PNKP: variants seen among roughly 807,000 people sequenced by gnomAD.
PNKP encodes the protein polynucleotide kinase 3'-phosphatase.
Under a neutral mutation model 66.2 loss-of-function variants are expected in PNKP, and 82 were observed. The ratio of observed to expected loss-of-function variants is 1.24; its 90% CI spans 1.04 to 1.49. The LOEUF is 1.49. PNKP is among the 40% of genes most tolerant of loss of function. The pLI, the probability that PNKP is intolerant of heterozygous loss-of-function variation, is 0.00. For missense variants in PNKP, 907 were observed against 706.8 expected, an observed-to-expected ratio of 1.28 and a Z score of -3.21; for synonymous variants, 412 against 298.9, an observed-to-expected ratio of 1.38 and a Z score of -3.90.
At chr19:49,866,317 A>C (rs1481875268) in intron 3 of PNKP, 82 bp downstream of exon 3, 5 of 1,293,006 alleles carry the variant, frequency 3.9e-6, no homozygotes, top group Non-Finnish European at 5.6e-6. Context: ...GATTTTCCTA[A>C]TGTACCCCTT....
rs199652836 is a variant in PNKP at position 49,861,851 on chromosome 19, T to G, written c.1219A>C (p.Thr407Pro). Residue 407 changes from threonine to proline, a missense_variant, in exon 14 of 17, where the codon ACC becomes CCC. Physicochemically the swap from Thr to Pro is conservative, Grantham distance 38. Coordinates refer to ENST00000322344, the MANE Select transcript of PNKP (RefSeq NM_007254.4). Reference protein sequence around the residue: ...DTLGSWQRCVTTCETALKQGK... With the variant: ...DTLGSWQRCVPTCETALKQGK... ...TGCTTCAGGGCTGTCTCACACGTGG[T>G]CACACAGCGCTGCCAGGAGCCTAGC... The G allele has an allele frequency of 1.1e-5, 17 of 1,594,162 alleles. No homozygotes were observed. The East Asian group carries it at 3.9e-4, about 36-fold the overall frequency.
intron 2 of PNKP, 46 bp downstream of exon 2, chr19:49,867,008 C>T: frequency 6.3e-7 from 1 of 1,598,058 alleles, no homozygotes; most frequent in Non-Finnish European, 8.6e-7. Flanking sequence ...GGATTGTTCC[C>T]GCTTTTGCAG....
Position 49,861,992 on chromosome 19 carries a change from G to C in PNKP, c.1188+52C>G. 5.6e-6 allele frequency: 9 copies of C among 1,604,358 alleles called. No individual in the cohort carries two copies. In the South Asian group the frequency reaches 9.9e-5, roughly 18 times the overall value. On this transcript the variant is annotated intron_variant, in intron 13 of 16. Coordinates refer to ENST00000322344, the MANE Select transcript of PNKP (RefSeq NM_007254.4). ...AAAGCCGCCCCAAACCAGTTGAGAG[G>C]TGGAGATGGGAACTTTATAATAGAT...
Position 49,862,745 on chromosome 19 carries a change from G to A in PNKP, c.817-7C>T. On this transcript the variant is annotated splice_polypyrimidine_tract_variant and splice_region_variant and intron_variant, in intron 8 of 16. Coordinates refer to ENST00000322344, the MANE Select transcript of PNKP (RefSeq NM_007254.4). ...TGGGCGTGCCGTCGTTGGCCTACGG[G>A]AGACGGTAGTGAGGAGGCCCTTCCC... is the stretch of plus-strand genomic sequence containing the variant. 1 of 1,614,082 alleles carries A rather than the reference G, an allele frequency of 6.2e-7. No homozygotes were observed. The highest frequency in any genetic ancestry group is 2.2e-5 in the East Asian group (1 of 44,870).
rs2074802686 is a variant in PNKP at position 49,864,348 on chromosome 19, AAGACCTTCCC to A, written c.544_553del (p.Gly182PhefsTer30). 1 of 1,613,916 alleles carries A rather than the reference AAGACCTTCCC, an allele frequency of 6.2e-7. No individual in the cohort carries two copies. Among genetic ancestry groups the A allele is most frequent in the African/African-American group, 1.3e-5 (1 of 74,892 alleles). On this transcript the variant is annotated frameshift_variant, in exon 5 of 17. Transcript: ENST00000322344. LOFTEE classifies it high-confidence loss of function. The stretch of plus-strand genomic sequence containing the variant: ...CCTCCAGTCACTGGGGCCAGTGGGA[AAGACCTTCCC>A]AGAGCGTGTGGTGATGAGCGTCCCG...
intron 13 of PNKP, 51 bp downstream of exon 13, chr19:49,861,993 T>C (rs1457981752): frequency 6.2e-7 from 1 of 1,603,570 alleles, no homozygotes; most frequent in Non-Finnish European, 8.5e-7. Flanking sequence ...AGTTGAGAGG[T>C]GGAGATGGGA....
chr19:49,862,665 C>A (rs772732957), intron 9 of PNKP, 25 bp downstream of exon 9: 1 of 1,614,042 alleles, frequency 6.2e-7, no homozygotes, highest in Admixed American at 1.7e-5. Context: ...TCCCAGCCCA[C>A]CCTCAGCAGC....
intron 6 of PNKP, 31 bp downstream of exon 6, chr19:49,864,148 C>A: frequency 1.2e-6 from 2 of 1,612,600 alleles, no homozygotes; most frequent in South Asian, 1.1e-5. Flanking sequence ...GCCACGTGCA[C>A]GTGCCCATGC....
rs988123606 is a variant in PNKP at position 49,861,761 on chromosome 19, G to A, written c.1298+11C>T. Reference sequence around the variant, plus strand: ...CGCCGCAGGCCACCTACGGCCCCGCGGTCACGCTACCTGGCGCGGCTCGCG... The same window carrying A: ...CGCCGCAGGCCACCTACGGCCCCGCAGTCACGCTACCTGGCGCGGCTCGCG... On this transcript the variant is annotated intron_variant, in intron 14 of 16. Coordinates refer to ENST00000322344, the MANE Select transcript of PNKP (RefSeq NM_007254.4). 3 of 1,564,434 alleles carry A rather than the reference G, an allele frequency of 1.9e-6. No individual in the cohort carries two copies. Among genetic ancestry groups the A allele is most frequent in the Admixed American group, 1.9e-5 (1 of 52,682 alleles).
chr19:49,862,188 C>G lies in PNKP; in HGVS notation c.1123G>C (p.Gly375Arg). Residue 375 changes from glycine to arginine, a missense_variant, in exon 12 of 17, where the codon GGG becomes CGG. Gly to Arg is a moderately radical substitution (Grantham distance 125). Transcript: ENST00000322344. ...PEVVVAVGFP[G>R]AGKSTFLKKH... ...CGCACAGGAACAGGACACTTACCCC[C>G]AGGGAATCCCACTGCGACAACCACC... 1 of 1,613,854 alleles carries G rather than the reference C, an allele frequency of 6.2e-7. No individual in the cohort carries two copies. Among genetic ancestry groups the G allele is most frequent in the Non-Finnish European group, 8.5e-7 (1 of 1,179,850 alleles).
At chr19:49,863,620 C>G (rs2074796402) in intron 8 of PNKP, 69 bp downstream of exon 8, 3 of 1,205,990 alleles carry the variant, frequency 2.5e-6, no homozygotes, top group Non-Finnish European at 3.6e-6. Context: ...CAACCGGAGG[C>G]CGGGGAGCCC....
In PNKP at chr19:49,867,548, C is replaced by T. The variant is rs573478123; in HGVS notation, c.-93G>A. ...GGTGCCCCGCCTGCAACCCGGCCGG[C>T]GGCGGTCGGTTCCTCGGCGGACGGA... On this transcript the variant is annotated 5_prime_UTR_variant, in exon 1 of 17. Transcript: ENST00000322344. 5.8e-4 allele frequency: 149 copies of T among 255,790 alleles called. No homozygotes were observed. Among genetic ancestry groups the T allele is most frequent in the African/African-American group, 4.3e-3 (138 of 32,236 alleles). The allele number at this position is 255,790 out of a possible 1,614,324, so 15.8% of individuals were successfully genotyped here.
rs754981151 is a variant in PNKP at position 49,861,812 on chromosome 19, C to T, written c.1258G>A (p.Ala420Thr). 8 of 1,581,892 alleles carry T rather than the reference C, an allele frequency of 5.1e-6. No individual in the cohort carries two copies. The highest frequency in any genetic ancestry group is 6.9e-6 in the Non-Finnish European group (8 of 1,167,654). Reference sequence around the variant, plus strand: ...GCGTCTGGGTTTGTGTTGTCGATGGCGACCCGTTTCCCTTGCTTCAGGGCT... The same window carrying T: ...GCGTCTGGGTTTGTGTTGTCGATGGTGACCCGTTTCCCTTGCTTCAGGGCT... ...ETALKQGKRV[A>T]IDNTNPDAAS... Residue 420 changes from alanine to threonine, a missense_variant, in exon 14 of 17, where the codon GCC becomes ACC. By Grantham distance (58) the Ala-to-Thr change is moderately conservative. Transcript: ENST00000322344.
intron 2 of PNKP, chr19:49,866,663 G>A (rs1054735495): frequency 3.1e-6 from 2 of 650,846 alleles, no homozygotes; most frequent in African/African-American, 3.6e-5. Flanking sequence ...TTTCTCTACA[G>A]AATTGGTTTC....
intron 8 of PNKP, 55 bp from the exon 9 acceptor site, chr19:49,862,793 A>G (rs2074788529): frequency 1.3e-6 from 2 of 1,591,032 alleles, no homozygotes; most frequent in African/African-American, 1.3e-5. Flanking sequence ...CCGCAGCGGT[A>G]GCGGGTCCCT....
At position 49,866,263 on chromosome 19, in the gene PNKP, GTGC is replaced by G; in HGVS notation, c.198+133_198+135del. The G allele has an allele frequency of 4.8e-6, 4 of 836,814 alleles. No homozygotes were observed. In the South Asian group the frequency reaches 5.3e-5, roughly 11 times the overall value. The allele number at this position is 836,814 out of a possible 1,614,324, so 51.8% of individuals were successfully genotyped here. Reference sequence around the variant, plus strand: ...GATCCGCCCGCCTCGGCCTCCCAAAGTGCTGGGATTACAGGCTTGAGCCACCAC... The same window carrying G: ...GATCCGCCCGCCTCGGCCTCCCAAAGTGGGATTACAGGCTTGAGCCACCAC... On this transcript the variant is annotated intron_variant, in intron 3 of 16. Transcript: ENST00000322344.
In PNKP at chr19:49,867,476, C is replaced by G. The variant is rs893501652; in HGVS notation, c.-21G>C. 2 of 516,268 alleles carry G rather than the reference C, an allele frequency of 3.9e-6. No individual in the cohort carries two copies. Among genetic ancestry groups the G allele is most frequent in the Non-Finnish European group, 7.0e-6 (2 of 287,056 alleles). 32.0% of individuals were successfully genotyped at this position (516,268 alleles called of 1,614,324 possible). A position where few individuals can be genotyped will look rare whatever the true frequency, so the allele number is the denominator to read the frequency against. ...GCCCCGCCCCGTACTCACCCGGGAC[C>G]GCGGCTTGGGCTCACGGCCACTTCC... On this transcript the variant is annotated 5_prime_UTR_variant, in exon 1 of 17. Transcript: ENST00000322344.
chr19:49,863,622 G>T (rs532520474), intron 8 of PNKP, 67 bp downstream of exon 8: 3 of 1,233,040 alleles, frequency 2.4e-6, no homozygotes, highest in Admixed American at 2.0e-5. Context: ...ACCGGAGGCC[G>T]GGGAGCCCAG....
rs1568659088 is a variant in PNKP at position 49,861,788 on chromosome 19, C to A, written c.1282G>T (p.Ala428Ser). 2 of 1,565,882 alleles carry A rather than the reference C, an allele frequency of 1.3e-6. No homozygotes were observed. Among genetic ancestry groups the A allele is most frequent in the Non-Finnish European group, 8.6e-7 (1 of 1,159,232 alleles). The change falls in exon 14 of 17, where the codon GCC becomes TCC. Residue 428 changes from alanine to serine, a missense_variant. Ala to Ser is a moderately conservative substitution (Grantham distance 99). Coordinates refer to ENST00000322344, the MANE Select transcript of PNKP (RefSeq NM_007254.4). ...RVAIDNTNPD[A>S]ASRARYVQCA... ...TCACGCTACCTGGCGCGGCTCGCGG[C>A]GTCTGGGTTTGTGTTGTCGATGGCG...
Sources: gnomAD v4.1 joint callset for allele counts on GRCh38, gnomAD v4.1.1 for gene constraint, MANE v1.5 for transcripts, NCBI Gene and HGNC (gene_info 2026-07-23, HGNC 2026-07-21) for gene names.